KIRREL2: variants seen among roughly 807,000 people sequenced by gnomAD.
The protein encoded by KIRREL2 is kin of IRRE-like protein 2.
In KIRREL2, 56 loss-of-function variants were observed where a neutral mutation model predicts 73.4. The ratio of observed to expected loss-of-function variants is 0.76; its 90% confidence interval spans 0.62 to 0.95. The LOEUF (loss-of-function observed/expected upper bound fraction) is 0.95. Among genes scored for constraint, KIRREL2 ranks in the 40% least tolerant of loss-of-function variants. The probability of loss-of-function intolerance (pLI) is 0.00; values close to 1 mark genes in which losing one functional copy is unlikely to be tolerated. For missense variants in KIRREL2, 896 were observed against 935.0 expected (o/e 0.96, Z 0.54); for synonymous variants, 407 against 404.0 (o/e 1.01, Z -0.09).
In KIRREL2 at chr19:35,858,797, C is replaced by A; in HGVS notation, c.455C>A (p.Ala152Asp). 4.3e-6 allele frequency: 7 copies of A among 1,614,168 alleles called. No individual in the cohort carries two copies. Among genetic ancestry groups the A allele is most frequent in the Non-Finnish European group, 5.1e-6 (6 of 1,180,032 alleles). The change falls in exon 4 of 15, where the codon GCC becomes GAC. Residue 152 changes from alanine to aspartate, a missense_variant. By Grantham distance (126) the Ala-to-Asp change is moderately radical. Transcript: ENST00000360202. ...CTGACATGTCGGAGCCGTGGGGATGCCCGCCCTACCCCTGAATTGCTGTGG... is the reference window on the plus strand; with the variant it reads ...CTGACATGTCGGAGCCGTGGGGATGACCGCCCTACCCCTGAATTGCTGTGG... Reference protein sequence around the residue: ...ANLTCRSRGDARPTPELLWFR... With the variant: ...ANLTCRSRGDDRPTPELLWFR...
intron 9 of KIRREL2, 109 bp downstream of exon 9, chr19:35,861,363 A>T (rs1973674474): frequency 1.3e-6 from 2 of 1,501,480 alleles, no homozygotes; most frequent in South Asian, 2.6e-5. Flanking sequence ...CTTTACACCC[A>T]GCGGGGGCTG....
upstream of KIRREL2, among the ~76,000 whole-genome samples, chr19:35,854,127 G>C (rs532280472): frequency 6.6e-6 from 1 of 151,958 alleles, no homozygotes; most frequent in African/African-American, 2.4e-5. Context: ...TTACAGGTGG[G>C]AGCCGCTGCA....
rs762550190 is a variant in KIRREL2 at position 35,866,464 on chromosome 19, G to T, written c.2099G>T (p.Ser700Ile). 2 of 1,610,432 alleles carry T rather than the reference G, an allele frequency of 1.2e-6. No homozygotes were observed. The highest frequency in any genetic ancestry group is 1.7e-4 in the Middle Eastern group (1 of 6,054). Residue 700 changes from serine (S) to isoleucine (I), a missense_variant, in exon 15 of 15, where the codon AGC becomes ATC. Ser to Ile is a moderately radical substitution (Grantham distance 142). Transcript: ENST00000360202. ...PFPYAAFPTPSHPRLQTHV is the reference protein window; with the variant it reads ...PFPYAAFPTPIHPRLQTHV ...CCATATGCTGCCTTCCCCACACCTA[G>T]CCACCCGCGTCTCCAGACTCACGTG... is the stretch of plus-strand genomic sequence containing the variant.
intron 2 of KIRREL2, 51 bp from the exon 3 acceptor site, chr19:35,858,357 G>A: frequency 2.5e-6 from 4 of 1,590,654 alleles, no homozygotes; most frequent in Non-Finnish European, 1.7e-6. Context: ...GGAGGCCTGA[G>A]GCCAGGATTT....
upstream of KIRREL2, chr19:35,851,470 C>A (rs1378628631): frequency 1.2e-6 from 2 of 1,613,378 alleles, no homozygotes; most frequent in East Asian, 4.5e-5. Context: ...TAGCAGGGTC[C>A]CCTTCCAGGC....
upstream of KIRREL2, among the ~76,000 whole-genome samples, chr19:35,854,184 G>A (rs1973352359): frequency 6.6e-6 from 1 of 152,044 alleles, no homozygotes; most frequent in Non-Finnish European, 1.5e-5. Context: ...CAGAGACAGA[G>A]TCTTGCTATA....
Position 35,864,680 on chromosome 19 carries a change from G to C in KIRREL2, c.1758G>C (p.Leu586=), listed in dbSNP as rs773480178. The C allele has an allele frequency of 6.2e-7, 1 of 1,613,048 alleles. No individual in the cohort carries two copies. Among genetic ancestry groups the C allele is most frequent in the Admixed American group, 1.7e-5 (1 of 59,992 alleles). Residue 586 remains leucine (L), a synonymous_variant, in exon 14 of 15, where the codon CTG becomes CTC. Transcript: ENST00000360202. The part of the protein sequence containing the change: ...GPIVHTDHSD[L]VLEEEGTLET... The stretch of plus-strand genomic sequence containing the variant: ...TTGTGCACACTGACCACAGTGATCT[G>C]GTTCTGGAGGAGGAAGGGACTCTGG...
In KIRREL2 at chr19:35,863,044, G is replaced by A; in HGVS notation, c.1725+8G>A. The A allele has an allele frequency of 6.6e-7, 1 of 1,512,422 alleles. No individual in the cohort carries two copies. The highest frequency in any genetic ancestry group is 9.1e-7 in the Non-Finnish European group (1 of 1,104,750). The allele number at this position is 1,512,422 out of a possible 1,614,324, so 93.7% of individuals were successfully genotyped here. A position where few individuals can be genotyped will look rare whatever the true frequency, so the allele number is the denominator to read the frequency against. On this transcript the variant is annotated splice_region_variant and intron_variant, in intron 13 of 14. Coordinates refer to ENST00000360202, the MANE Select transcript of KIRREL2 (RefSeq NM_199180.4). ...GGCAGCCGCGAGGACCGGGTAGGATGCCAGGGTCCCCAGACCTGACTGTGC... is the reference window on the plus strand; with the variant it reads ...GGCAGCCGCGAGGACCGGGTAGGATACCAGGGTCCCCAGACCTGACTGTGC...
chr19:35,861,302 G>A, intron 9 of KIRREL2, 48 bp downstream of exon 9: 1 of 1,509,248 alleles, frequency 6.6e-7, no homozygotes, highest in Non-Finnish European at 8.8e-7. Flanking sequence ...CTGGGATAGG[G>A]AGCGGACAGA....
At position 35,857,010 on chromosome 19, in the gene KIRREL2, A is replaced by G. The variant is rs1973446609; in HGVS notation, c.-110A>G. The G allele has an allele frequency of 9.2e-7, 1 of 1,089,818 alleles. No homozygotes were observed. Among genetic ancestry groups the G allele is most frequent in the Non-Finnish European group, 1.4e-6 (1 of 708,858 alleles). The allele number at this position is 1,089,818 out of a possible 1,614,324, so 67.5% of individuals were successfully genotyped here. A position where few individuals can be genotyped will look rare whatever the true frequency, so the allele number is the denominator to read the frequency against. Reference sequence around the variant, plus strand: ...AGGCCAGAGACTAGGCTGGGCGAAGAGTCGAGCGTGAAGGGGGCTCCGGGC... The same window carrying G: ...AGGCCAGAGACTAGGCTGGGCGAAGGGTCGAGCGTGAAGGGGGCTCCGGGC... On this transcript the variant is annotated 5_prime_UTR_variant, in exon 1 of 15. Coordinates refer to ENST00000360202, the MANE Select transcript of KIRREL2 (RefSeq NM_199180.4).
chr19:35,863,459 G>A (rs1327444489), intron 13 of KIRREL2, among the ~76,000 whole-genome samples: 2 of 136,408 alleles, frequency 1.5e-5, no homozygotes, highest in Non-Finnish European at 3.0e-5. Context: ...GAGGGCTCTA[G>A]TCTTTTTTTT....
chr19:35,851,608 C>T, upstream of KIRREL2: 1 of 1,614,010 alleles, frequency 6.2e-7, no homozygotes, highest in Middle Eastern at 1.7e-4. Flanking sequence ...CCACCACCGT[C>T]AGGTTTTCAG....
intron 7 of KIRREL2, 24 bp from the exon 8 acceptor site, chr19:35,860,885 T>C: frequency 6.2e-7 from 1 of 1,612,784 alleles, no homozygotes; most frequent in Non-Finnish European, 8.5e-7. Flanking sequence ...CCCGGCCATG[T>C]GACCCCTAGT....
rs35569940 is a variant in KIRREL2, at chr19:35,865,173, CTTT to C, written c.1791+478_1791+480del. 4.6e-4 allele frequency among the ~76,000 whole-genome samples: 48 copies of C among 105,216 alleles called. 1 individual carries two copies. Among genetic ancestry groups the C allele is most frequent in the African/African-American group, 1.8e-3 (46 of 25,388 alleles). 69.0% of individuals were successfully genotyped at this position (105,216 alleles called of 152,430 possible). A position where few individuals can be genotyped will look rare whatever the true frequency, so the allele number is the denominator to read the frequency against. Reference sequence around the variant, plus strand: ...CCTAGCACATGCCATTCTCTCTCTTCTTTTTTTTTTTTTTTTTTTTGAGACGGA... The same window carrying C: ...CCTAGCACATGCCATTCTCTCTCTTCTTTTTTTTTTTTTTTTTGAGACGGA... On this transcript the variant is annotated intron_variant, in intron 14 of 14. Coordinates refer to ENST00000360202, the MANE Select transcript of KIRREL2 (RefSeq NM_199180.4).
upstream of KIRREL2, among the ~76,000 whole-genome samples, chr19:35,854,734 T>G (rs1973367711): frequency 6.6e-6 from 1 of 151,168 alleles, no homozygotes; most frequent in Non-Finnish European, 1.5e-5. Flanking sequence ...TCTATATGTC[T>G]CTGTTATTCT....
Position 35,857,472 on chromosome 19 carries a change from AG to A in KIRREL2, c.194del (p.Gly65AlafsTer31). ...VQWTKSGLALGGQRDLPGWSR... is the reference protein window; with the variant it reads ...VQWTKSGLALXGQRDLPGWSR... Reference sequence around the variant, plus strand: ...AGTGGACTAAGAGTGGGCTGGCCCTAGGGGGCCAAAGGGACCTACCAGGTAA... The same window carrying A: ...AGTGGACTAAGAGTGGGCTGGCCCTAGGGGCCAAAGGGACCTACCAGGTAA... On this transcript the variant is annotated frameshift_variant, in exon 2 of 15. Coordinates refer to ENST00000360202, the MANE Select transcript of KIRREL2 (RefSeq NM_199180.4). LOFTEE classifies it high-confidence loss of function. The A allele has an allele frequency of 6.3e-7, 1 of 1,599,432 alleles. No homozygotes were observed. Among genetic ancestry groups the A allele is most frequent in the South Asian group, 1.1e-5 (1 of 88,824 alleles).
rs1190301928 is a variant in KIRREL2 at position 35,859,511 on chromosome 19, G to A, written c.553G>A (p.Val185Met). Residue 185 changes from valine (V) to methionine (M), a missense_variant, in exon 5 of 15, where the codon GTG becomes ATG. By Grantham distance (21) the Val-to-Met change is conservative. Coordinates refer to ENST00000360202, the MANE Select transcript of KIRREL2 (RefSeq NM_199180.4). The part of the protein sequence containing the change: ...TLLKEGTPGS[V>M]ESTLTLTPFS... ...GCTGAAGGAAGGGACCCCTGGGTCA[G>A]TGGAGAGCACCTTAACCCTGACCCC... The A allele has an allele frequency of 6.2e-7, 1 of 1,614,206 alleles. No homozygotes were observed. Among genetic ancestry groups the A allele is most frequent in the East Asian group, 2.2e-5 (1 of 44,886 alleles).
intron 5 of KIRREL2, 77 bp from the exon 6 acceptor site, chr19:35,860,220 C>A: frequency 1.6e-6 from 2 of 1,217,562 alleles, no homozygotes; most frequent in Non-Finnish European, 2.4e-6. Context: ...GATGGAGGAA[C>A]CAGGGACTGG....
intron 13 of KIRREL2, among the ~76,000 whole-genome samples, chr19:35,863,416 C>T (rs1477492932): frequency 6.7e-6 from 1 of 149,148 alleles, no homozygotes; most frequent in Non-Finnish European, 1.5e-5. Context: ...GAGCAAGACC[C>T]TGTCTCCATT....
Sources: allele counts gnomAD v4.1 joint callset (sites outside exome capture counted in the v4.1 genomes callset), GRCh38; gene constraint gnomAD v4.1.1; transcripts MANE v1.5; gene names NCBI Gene and HGNC (gene_info 2026-07-23, HGNC 2026-07-21).